The following KIF16B variants were observed in gnomAD, a reference collection of about 807,000 sequenced individuals.
KIF16B encodes the protein kinesin-like protein KIF16B.
A neutral mutation model predicts 156.3 loss-of-function variants in KIF16B; 98 were observed. The ratio of observed to expected loss-of-function variants is 0.63; its 90% CI spans 0.53 to 0.74. The LOEUF is 0.74. Ranked by LOEUF, KIF16B falls within the 30% of genes least tolerant of loss-of-function variation. KIF16B has a pLI of 0.00. For missense variants in KIF16B, 1,421 were observed against 1,606.5 expected (o/e 0.88, Z 1.97); for synonymous variants, 564 against 583.7 (o/e 0.97, Z 0.49).
chr20:16,505,611 T>C, intron 9 of KIF16B, 111 bp downstream of exon 9: 1 of 964,244 alleles, frequency 1.0e-6, no homozygotes, highest in Admixed American at 2.7e-5. Flanking sequence ...AACCATTACT[T>C]TTTTAAGATG....
At chr20:16,408,824 G>A (rs758237803) in intron 15 of KIF16B, among the ~76,000 whole-genome samples, 9 of 152,082 alleles carry the variant, frequency 5.9e-5, no homozygotes, top group Non-Finnish European at 1.3e-4. Context: ...GTCCATTAAG[G>A]CTGGTTTCCT....
intron 17 of KIF16B, among the ~76,000 whole-genome samples, chr20:16,387,742 C>T (rs2065263091): frequency 6.6e-6 from 1 of 152,162 alleles, no homozygotes. Context: ...CCAAGTGAGG[C>T]TCATAAGTGC....
intron 11 of KIF16B, among the ~76,000 whole-genome samples, chr20:16,494,804 G>T (rs1305476572): frequency 1.3e-5 from 2 of 152,086 alleles, no homozygotes; most frequent in South Asian, 2.1e-4. Flanking sequence ...TGCTTTTGTA[G>T]CTAATTAACA....
Position 16,325,560 on chromosome 20 carries a change from A to G in KIF16B, c.3711+10366T>C, listed in dbSNP as rs79775949. On this transcript the variant is annotated intron_variant, in intron 24 of 25. Coordinates refer to ENST00000354981, the MANE Select transcript of KIF16B (RefSeq NM_024704.5). ...AATCAACCCCTTTTACAATAGCTGA[A>G]AAAAAAAAAAAACTTAGAAATGTGA... Among the ~76,000 whole-genome samples the G allele has an allele frequency of 4.3e-4, 6 of 13,816 alleles. No individual in the cohort carries two copies. The African/African-American group carries it at 5.7e-3, about 13-fold the overall frequency. 9.1% of individuals were successfully genotyped at this position (13,816 alleles called of 152,430 possible).
intron 12 of KIF16B, among the ~76,000 whole-genome samples, chr20:16,470,841 T>C (rs2067643675): frequency 1.4e-5 from 2 of 139,194 alleles, no homozygotes; most frequent in Admixed American, 7.3e-5. Flanking sequence ...AAAAATAAGA[T>C]TGATTTTTTT....
chr20:16,429,829 C>G, intron 13 of KIF16B, 34 bp downstream of exon 13: 1 of 1,579,420 alleles, frequency 6.3e-7, no homozygotes, highest in Non-Finnish European at 8.6e-7. Context: ...AAACTGGAAA[C>G]AAAATTAGAA....
At chr20:16,293,831 A>G (rs1378724748) in intron 25 of KIF16B, among the ~76,000 whole-genome samples, 1 of 152,170 alleles carries the variant, frequency 6.6e-6, no homozygotes, top group Non-Finnish European at 1.5e-5. Flanking sequence ...TAAACTAAGC[A>G]AACAAGCTGA....
At chr20:16,416,703 C>T (rs1005107843) in intron 15 of KIF16B, among the ~76,000 whole-genome samples, 11 of 150,864 alleles carry the variant, frequency 7.3e-5, no homozygotes, top group African/African-American at 2.2e-4. Context: ...CCTGCACATC[C>T]TGCATATGTA....
chr20:16,403,593 G>A (rs866113112), intron 17 of KIF16B, among the ~76,000 whole-genome samples: 38 of 152,190 alleles, frequency 2.5e-4, no homozygotes, highest in African/African-American at 8.4e-4. Context: ...CCTGGAAAGC[G>A]GGGGTGGGGG....
At chr20:16,381,407 TTTGG>T (rs11467733) in intron 18 of KIF16B, among the ~76,000 whole-genome samples, 96,528 of 151,298 alleles carry the variant, frequency 0.64, 31,338 homozygotes, top group East Asian at 0.94. Context: ...ATGAATACAT[TTTGG>T]TGTATTAAAT....
chr20:16,475,408 G>T (rs568452912), intron 12 of KIF16B, among the ~76,000 whole-genome samples: 3 of 152,274 alleles, frequency 2.0e-5, no homozygotes, highest in African/African-American at 7.2e-5. Flanking sequence ...CATAGAATTT[G>T]GTTCCAGAGT....
intron 22 of KIF16B, among the ~76,000 whole-genome samples, chr20:16,366,136 G>C (rs1421746421): frequency 6.6e-6 from 1 of 152,124 alleles, no homozygotes; most frequent in African/African-American, 2.4e-5. Flanking sequence ...ACAGTTTGCA[G>C]CCTCTTACCT....
Position 16,528,410 on chromosome 20 carries a change from A to T in KIF16B, c.78T>A (p.Ile26=). The change falls in exon 2 of 26, where the codon ATT becomes ATA. Residue 26 remains isoleucine (I), a synonymous_variant. Coordinates refer to ENST00000354981, the MANE Select transcript of KIF16B (RefSeq NM_024704.5). The stretch of plus-strand genomic sequence containing the variant: ...TTGTCGTTTTGCTTTTCTCCATCTG[A>T]ATAATGAACTTGGCCTCCAAGTCCT... ...REKDLEAKFI[I]QMEKSKTTIT... The T allele has an allele frequency of 6.2e-7, 1 of 1,613,960 alleles. No homozygotes were observed. Among genetic ancestry groups the T allele is most frequent in the Non-Finnish European group, 8.5e-7 (1 of 1,179,830 alleles).
At chr20:16,388,893 G>A (rs778696217) in intron 17 of KIF16B, among the ~76,000 whole-genome samples, 3 of 152,116 alleles carry the variant, frequency 2.0e-5, no homozygotes, top group Non-Finnish European at 2.9e-5. Context: ...TTGTACCTAT[G>A]ATGTCGTTTC....
chr20:16,468,505 G>C (rs2067560112), intron 12 of KIF16B, among the ~76,000 whole-genome samples: 1 of 150,508 alleles, frequency 6.6e-6, no homozygotes, highest in South Asian at 2.1e-4. Flanking sequence ...GAACCCTGGG[G>C]GAGGAGATTG....
At chr20:16,503,846 C>T (rs2068694255) in intron 10 of KIF16B, among the ~76,000 whole-genome samples, 1 of 152,132 alleles carries the variant, frequency 6.6e-6, no homozygotes. Flanking sequence ...TAAAATGAGA[C>T]TATTTCAACA....
chr20:16,535,537 G>A (rs1282495809), intron 1 of KIF16B, among the ~76,000 whole-genome samples: 1 of 152,112 alleles, frequency 6.6e-6, no homozygotes, highest in Non-Finnish European at 1.5e-5. Flanking sequence ...TTCAATATGA[G>A]TGGTAAAAGT....
intron 24 of KIF16B, among the ~76,000 whole-genome samples, chr20:16,323,839 A>T (rs1481351950): frequency 6.6e-6 from 1 of 151,618 alleles, no homozygotes; most frequent in Non-Finnish European, 1.5e-5. Flanking sequence ...CCAAAAAGCT[A>T]AAACTTAGAG....
chr20:16,563,569 A>C (rs1191276027), intron 1 of KIF16B, among the ~76,000 whole-genome samples: 2 of 152,208 alleles, frequency 1.3e-5, no homozygotes, highest in Non-Finnish European at 2.9e-5. Flanking sequence ...GTATCACATC[A>C]ATCAACTTTA....
Sources: gnomAD v4.1 joint callset for allele counts (sites outside exome capture counted in the v4.1 genomes callset) on GRCh38, gnomAD v4.1.1 for gene constraint, MANE v1.5 for transcripts, NCBI Gene and HGNC (gene_info 2026-07-23, HGNC 2026-07-21) for gene names.